MED13: variants seen among roughly 807,000 people sequenced by gnomAD.
MED13 encodes the protein mediator of RNA polymerase II transcription subunit 13.
A neutral mutation model predicts 225.2 loss-of-function variants in MED13; 23 were observed. The observed-to-expected ratio is 0.10, with a 90% confidence interval of 0.07 to 0.14. The LOEUF (loss-of-function observed/expected upper bound fraction) is 0.14, where lower values mean the gene tolerates loss of function less well. Ranked by LOEUF, MED13 falls within the 10% of genes least tolerant of loss-of-function variation. MED13 has a pLI of 1.00. For missense variants in MED13, 2,197 were observed against 2,594.5 expected (o/e 0.85, Z 3.33); for synonymous variants, 942 against 889.2 (o/e 1.06, Z -1.06).
intron 8 of MED13, 134 bp from the exon 9 acceptor site, chr17:62,011,367 TTTG>T: frequency 1.2e-6 from 1 of 812,660 alleles, no homozygotes. Flanking sequence ...ATAATTTGAA[TTTG>T]AAAGGGGAAA....
Position 61,961,771 on chromosome 17 carries a change from A to C in MED13, c.5073T>G (p.Pro1691=). Residue 1691 remains proline (P), a synonymous_variant, in exon 22 of 30, where the codon CCT becomes CCG. Transcript: ENST00000397786. ...TCACAGGTTGCAACAGGTACTGACA[A>C]GGAATAATCTAAGAAGTATAGGCAA... is the stretch of plus-strand genomic sequence containing the variant. The part of the protein sequence containing the change: ...IKSTVSVQII[P]CQYLLQPVKH... 6.2e-7 allele frequency: 1 copy of C among 1,612,998 alleles called. No individual in the cohort carries two copies.
chr17:61,963,202 C>CTAAAAAAA (rs2080019786), intron 20 of MED13, among the ~76,000 whole-genome samples: 1 of 55,770 alleles, frequency 1.8e-5, no homozygotes, highest in Non-Finnish European at 3.0e-5. Flanking sequence ...TTAAATTTAC[C>CTAAAAAAA]AAAAAAAAAA....
At chr17:62,050,236 T>C (rs1333269326) in intron 3 of MED13, among the ~76,000 whole-genome samples, 2 of 151,550 alleles carry the variant, frequency 1.3e-5, no homozygotes, top group African/African-American at 4.8e-5. Flanking sequence ...CAGACGCCTG[T>C]AATCCCAGCT....
In MED13 at chr17:61,962,838, T is replaced by G; in HGVS notation, c.4978A>C (p.Ser1660Arg). Residue 1660 changes from serine to arginine, a missense_variant, in exon 21 of 30, where the codon AGT becomes CGT. Transcript: ENST00000397786. ...CGAAGTAGCCCCAATGTCCACACAC[T>G]AGAAGAGTTAGTGCTCTCGTCTGTA... Reference protein sequence around the residue: ...ENTDESTNSSSVWTLGLLRCF... With the variant: ...ENTDESTNSSRVWTLGLLRCF... The G allele has an allele frequency of 1.2e-6, 2 of 1,614,138 alleles. No individual in the cohort carries two copies. Among genetic ancestry groups the G allele is most frequent in the Non-Finnish European group, 1.7e-6 (2 of 1,180,006 alleles).
chr17:62,001,013 C>T (rs759763528), intron 9 of MED13, among the ~76,000 whole-genome samples: 1 of 152,164 alleles, frequency 6.6e-6, no homozygotes, highest in African/African-American at 2.4e-5. Flanking sequence ...CCACCCACCT[C>T]GGCCTCCCAA....
chr17:62,015,051 C>T (rs552371048), intron 8 of MED13, among the ~76,000 whole-genome samples: 19 of 152,138 alleles, frequency 1.2e-4, no homozygotes, highest in East Asian at 9.6e-4. Flanking sequence ...TTTTACCAAC[C>T]GAGTCAATGT....
chr17:61,977,566 C>T lies in MED13; in HGVS notation c.3805+4632G>A, dbSNP rs1404863340. On this transcript the variant is annotated intron_variant, in intron 16 of 29. Transcript: ENST00000397786. ...TCCCGGGTTCACACCATTCTCCTGC[C>T]TCAGCCTCCCGAGTAGCTGGGACTA... Among the ~76,000 whole-genome samples, 10 of 152,330 alleles carry T rather than the reference C, an allele frequency of 6.6e-5. No homozygotes were observed. The East Asian group carries it at 1.9e-3, about 29-fold the overall frequency.
chr17:62,008,629 CA>C (rs2080477211), intron 9 of MED13, among the ~76,000 whole-genome samples: 1 of 152,000 alleles, frequency 6.6e-6, no homozygotes, highest in African/African-American at 2.4e-5. Flanking sequence ...GCAAAAAAAT[CA>C]GGTCATTTTC....
Position 61,961,044 on chromosome 17 carries a change from G to A in MED13, c.5303C>T (p.Pro1768Leu). 6.2e-7 allele frequency: 1 copy of A among 1,613,872 alleles called. No homozygotes were observed. The highest frequency in any genetic ancestry group is 8.5e-7 in the Non-Finnish European group (1 of 1,179,968). The change falls in exon 23 of 30, where the codon CCA (proline) becomes CTA (leucine). Residue 1768 changes from proline to leucine, a missense_variant. Pro to Leu is a moderately conservative substitution (Grantham distance 98). Coordinates refer to ENST00000397786, the MANE Select transcript of MED13 (RefSeq NM_005121.3). The stretch of plus-strand genomic sequence containing the variant: ...TAGCTCTGTCTGTTTGTCCTTCACT[G>A]GAGCCAGAATAAAAGGAGGTGCATA... ...RLYAPPFILA[P>L]VKDKQTELGE... is the part of the protein sequence containing the mutation.
chr17:62,031,172 A>G (rs1286799234), intron 6 of MED13: 4 of 247,452 alleles, frequency 1.6e-5, no homozygotes, highest in Non-Finnish European at 3.1e-5. Flanking sequence ...ATTCTGGGAA[A>G]CACACTGAGT....
intron 8 of MED13, among the ~76,000 whole-genome samples, chr17:62,018,715 CAA>C (rs200425824): frequency 3.4e-4 from 43 of 124,684 alleles, no homozygotes; most frequent in Admixed American, 5.9e-4. Context: ...GACCCTATCT[CAA>C]AAAAAAAAAA....
intron 4 of MED13, among the ~76,000 whole-genome samples, chr17:62,034,637 T>A (rs953631255): frequency 6.6e-6 from 1 of 152,030 alleles, no homozygotes; most frequent in African/African-American, 2.4e-5. Context: ...TATAGATATA[T>A]AAATCTAAAT....
intron 23 of MED13, among the ~76,000 whole-genome samples, chr17:61,959,726 CT>C (rs11288442): frequency 0.29 from 34,130 of 119,638 alleles, 4,410 homozygotes; most frequent in East Asian, 0.6. Flanking sequence ...GAACCCAAAT[CT>C]TTTTTTTTTT....
Position 61,961,693 on chromosome 17 carries a change from C to T in MED13, c.5151G>A (p.Ser1717=), listed in dbSNP as rs1489218623. 3.3e-5 allele frequency: 53 copies of T among 1,613,760 alleles called. No individual in the cohort carries two copies. The highest frequency in any genetic ancestry group is 4.1e-5 in the Non-Finnish European group (48 of 1,179,960). The stretch of plus-strand genomic sequence containing the variant: ...GTGGCCTCCGACACTGGGTAAAGGC[C>T]GAAAAAGCCAGGGATTTTAAATGCT... ...YPQHLKSLAF[S]AFTQCRRPLP... Residue 1717 remains serine, a synonymous_variant, in exon 22 of 30, where the codon TCG becomes TCA. Transcript: ENST00000397786.
chr17:61,965,732 A>G (rs2080052234), intron 19 of MED13, among the ~76,000 whole-genome samples: 1 of 152,192 alleles, frequency 6.6e-6, no homozygotes, highest in Non-Finnish European at 1.5e-5. Context: ...ACAAAATTCT[A>G]TTTTCTAAGT....
At chr17:61,950,163 GAGA>G (rs1196236778) in intron 28 of MED13, among the ~76,000 whole-genome samples, 15 of 152,116 alleles carry the variant, frequency 9.9e-5, no homozygotes, top group Non-Finnish European at 1.5e-5. Flanking sequence ...CCTAGAAAAT[GAGA>G]AGGTTAGACA....
intron 9 of MED13, among the ~76,000 whole-genome samples, chr17:62,008,184 T>C (rs2080471617): frequency 6.7e-6 from 1 of 150,074 alleles, no homozygotes; most frequent in South Asian, 2.1e-4. Flanking sequence ...CCAGGAGTGG[T>C]GGTGGGCGCC....
chr17:62,023,699 G>A (rs559234026), intron 8 of MED13, among the ~76,000 whole-genome samples: 6 of 151,902 alleles, frequency 3.9e-5, no homozygotes, highest in Non-Finnish European at 7.4e-5. Context: ...ATTTGAGAGC[G>A]AGCTAGAGGC....
chr17:61,955,556 T>C lies in MED13; in HGVS notation c.5794A>G (p.Thr1932Ala). 6.4e-7 allele frequency: 1 copy of C among 1,560,728 alleles called. No homozygotes were observed. The highest frequency in any genetic ancestry group is 8.6e-7 in the Non-Finnish European group (1 of 1,160,324). The change falls in exon 26 of 30, where the codon ACT becomes GCT. Residue 1932 changes from threonine (T) to alanine (A), a missense_variant. Physicochemically the swap from Thr to Ala is moderately conservative, Grantham distance 58. This residue lies in a region of MED13 where 216 missense variants were observed against 388.9 expected (regional missense o/e 0.56). Transcript: ENST00000397786. The stretch of plus-strand genomic sequence containing the variant: ...GTGCTTCTTCCAAATACAGAACCAG[T>C]TGACACAGAATCTGAAAATGAAAGA... ...SFVIMPDSVS[T>A]GSVFGRSTTL... is the part of the protein sequence containing the mutation.
Sources: gnomAD v4.1 joint callset for allele counts (sites outside exome capture counted in the v4.1 genomes callset) on GRCh38, gnomAD v4.1.1 for gene constraint, gnomAD v4.1.1 regional missense constraint, MANE v1.5 for transcripts, NCBI Gene and HGNC (gene_info 2026-07-23, HGNC 2026-07-21) for gene names.